Variants in IFT74 observed in about 807,000 individuals in gnomAD.
The protein encoded by IFT74 is intraflagellar transport protein 74 homolog.
Under a neutral mutation model 96.7 loss-of-function variants are expected in IFT74, and 92 were observed. The observed-to-expected ratio is 0.95, with a 90% CI of 0.80 to 1.13. The LOEUF (loss-of-function observed/expected upper bound fraction) is 1.13, where lower values mean the gene tolerates loss of function less well. IFT74 is among the 50% of genes most tolerant of loss of function. IFT74 has a pLI of 0.00. For synonymous variants in IFT74, 223 were observed against 213.2 expected (o/e 1.05, Z -0.40); for missense variants, 811 against 698.2 (o/e 1.16, Z -1.82).
chr9:27,055,597 CTTATG>C lies in IFT74; in HGVS notation c.1334-9_1334-5del, dbSNP rs1324056936. 2.6e-6 allele frequency: 4 copies of C among 1,552,040 alleles called. No homozygotes were observed. Among genetic ancestry groups the C allele is most frequent in the Non-Finnish European group, 3.5e-6 (4 of 1,154,842 alleles). On this transcript the variant is annotated splice_region_variant and splice_polypyrimidine_tract_variant and intron_variant, in intron 16 of 19. Transcript: ENST00000380062. ...TTTTGATTAATTATCACCTTAAATT[CTTATG>C]TTTCAGACATTCAACGTCTGCAGTT...
upstream of IFT74, among the ~76,000 whole-genome samples, chr9:26,952,200 T>G (rs975932614): frequency 1.3e-5 from 2 of 152,164 alleles, no homozygotes; most frequent in Admixed American, 6.5e-5. Context: ...ATTGCATAAT[T>G]CATTAAAAGC....
At chr9:27,025,224 C>T (rs1829802358) in intron 12 of IFT74, among the ~76,000 whole-genome samples, 1 of 151,914 alleles carries the variant, frequency 6.6e-6, no homozygotes, top group South Asian at 2.1e-4. Context: ...GTGGGCGGAA[C>T]ATGAGGTCAG....
intron 1 of IFT74, among the ~76,000 whole-genome samples, chr9:26,960,981 A>G (rs1826329207): frequency 6.6e-6 from 1 of 151,870 alleles, no homozygotes; most frequent in African/African-American, 2.4e-5. Context: ...AAAAGACTTT[A>G]GTAAAGATAG....
chr9:27,049,868 A>G (rs919624531), intron 16 of IFT74, among the ~76,000 whole-genome samples: 1 of 152,204 alleles, frequency 6.6e-6, no homozygotes, highest in Non-Finnish European at 1.5e-5. Context: ...ATGACAGTAT[A>G]TATTATATTT....
At chr9:26,978,412 G>T in intron 3 of IFT74, 149 bp downstream of exon 3, 1 of 710,448 alleles carries the variant, frequency 1.4e-6, no homozygotes. Flanking sequence ...TAGCATGTAA[G>T]AATTATTACA....
At chr9:27,001,379 C>G (rs902464600) in intron 8 of IFT74, among the ~76,000 whole-genome samples, 3 of 151,826 alleles carry the variant, frequency 2.0e-5, no homozygotes, top group African/African-American at 7.3e-5. Context: ...TTTTAAGGAA[C>G]CTTCATACTG....
intron 8 of IFT74, among the ~76,000 whole-genome samples, chr9:27,001,456 G>A (rs751218289): frequency 2.6e-5 from 4 of 152,012 alleles, no homozygotes; most frequent in South Asian, 2.1e-4. Flanking sequence ...TCTCCACATC[G>A]TCACCAGCAT....
At chr9:27,009,418 G>A (rs1477780793) in intron 9 of IFT74, among the ~76,000 whole-genome samples, 1 of 151,752 alleles carries the variant, frequency 6.6e-6, no homozygotes, top group East Asian at 1.9e-4. Flanking sequence ...TATTCATTTT[G>A]CATTTCATAA....
Position 27,063,382 on chromosome 9 carries a change from T to G in IFT74, c.*646T>G, listed in dbSNP as rs1820509530. ...AAGACTACATTTATAGTGGGCTGTT[T>G]TGGACTATGGCTACTGCTGTTCATT... is the stretch of plus-strand genomic sequence containing the variant. On this transcript the variant is annotated 3_prime_UTR_variant, in exon 20 of 20. Transcript: ENST00000380062. Among the ~76,000 whole-genome samples the G allele has an allele frequency of 6.6e-6, 1 of 152,160 alleles. No individual in the cohort carries two copies. Among genetic ancestry groups the G allele is most frequent in the Non-Finnish European group, 1.5e-5 (1 of 67,988 alleles).
intron 8 of IFT74, among the ~76,000 whole-genome samples, chr9:26,990,705 T>G (rs1827828969): frequency 6.6e-6 from 1 of 152,220 alleles, no homozygotes. Flanking sequence ...AACGTAATTG[T>G]GGCAGTGGGA....
intron 2 of IFT74, among the ~76,000 whole-genome samples, chr9:26,975,777 G>C (rs1827088738): frequency 6.6e-6 from 1 of 152,132 alleles, no homozygotes; most frequent in African/African-American, 2.4e-5. Flanking sequence ...ATTTCCATAG[G>C]CATTGTTAAG....
chr9:27,017,070 T>G lies in IFT74; in HGVS notation c.933+20T>G. 6.3e-7 allele frequency: 1 copy of G among 1,585,580 alleles called. No homozygotes were observed. Among genetic ancestry groups the G allele is most frequent in the Non-Finnish European group, 8.6e-7 (1 of 1,169,196 alleles). On this transcript the variant is annotated intron_variant, in intron 11 of 19. Transcript: ENST00000380062. Reference sequence around the variant, plus strand: ...AAGCAGGTGGGCAAAACAAACATACTTATTTTAAGATGTCTGGTTTTGGTA... The same window carrying G: ...AAGCAGGTGGGCAAAACAAACATACGTATTTTAAGATGTCTGGTTTTGGTA...
chr9:27,053,336 A>G (rs1161933687), intron 16 of IFT74, among the ~76,000 whole-genome samples: 2 of 152,000 alleles, frequency 1.3e-5, no homozygotes, highest in Non-Finnish European at 2.9e-5. Context: ...AAGAGTCTGT[A>G]ATCGACTTCT....
rs1413342087 is a variant in IFT74 at position 27,025,453 on chromosome 9, A to G, written c.975-3572A>G. Among the ~76,000 whole-genome samples the G allele has an allele frequency of 1.8e-4, 27 of 151,206 alleles. 1 individual carries two copies. Among genetic ancestry groups the G allele is most frequent in the African/African-American group, 6.0e-4 (25 of 41,368 alleles). On this transcript the variant is annotated intron_variant, in intron 12 of 19. Coordinates refer to ENST00000380062, the MANE Select transcript of IFT74 (RefSeq NM_025103.4). ...GTGAGACTCCATCTCCAAAAAAAAAAAAAAAAAAAAGAAAAGAAAAGAAAG... is the reference window on the plus strand; with the variant it reads ...GTGAGACTCCATCTCCAAAAAAAAAGAAAAAAAAAAGAAAAGAAAAGAAAG...
At chr9:27,002,386 A>G (rs2131585935) in intron 8 of IFT74, among the ~76,000 whole-genome samples, 1 of 152,366 alleles carries the variant, frequency 6.6e-6, no homozygotes, top group East Asian at 1.9e-4. Flanking sequence ...CCGAAAAGAG[A>G]GTCAGCCCTC....
rs1459260243 is a variant in IFT74 at position 27,003,208 on chromosome 9, T to TG, written c.588-5812_588-5811insG. Among the ~76,000 whole-genome samples the TG allele has an allele frequency of 3.9e-5, 6 of 152,092 alleles. No homozygotes were observed. In the South Asian group the frequency reaches 6.2e-4, roughly 16 times the overall value. Reference sequence around the variant, plus strand: ...TTTTGTGGAGTATTTAGGGTTTGTTTTTTTTTTAATTTTTTAAGTGTAAGA... The same window carrying TG: ...TTTTGTGGAGTATTTAGGGTTTGTTTGTTTTTTTAATTTTTTAAGTGTAAGA... On this transcript the variant is annotated intron_variant, in intron 8 of 19. Coordinates refer to ENST00000380062, the MANE Select transcript of IFT74 (RefSeq NM_025103.4).
Position 27,047,385 on chromosome 9 carries a change from G to C in IFT74, c.1206+14G>C. ...CACTGCAGTCGAGTGAGTACCATGT[G>C]CCTGTCTTGGTGTCCTCTTTATTTT... On this transcript the variant is annotated intron_variant, in intron 15 of 19. Transcript: ENST00000380062. 6.6e-7 allele frequency: 1 copy of C among 1,510,922 alleles called. No individual in the cohort carries two copies. The highest frequency in any genetic ancestry group is 1.2e-5 in the South Asian group (1 of 85,894). 93.6% of individuals were successfully genotyped at this position (1,510,922 alleles called of 1,614,324 possible).
intron 6 of IFT74, 107 bp downstream of exon 6, chr9:26,984,666 A>C: frequency 1.3e-6 from 1 of 799,934 alleles, no homozygotes; most frequent in Non-Finnish European, 2.0e-6. Flanking sequence ...TACTTTTCAA[A>C]AGAAGACAAA....
chr9:27,041,835 C>G (rs184036278), intron 13 of IFT74, among the ~76,000 whole-genome samples: 2 of 152,176 alleles, frequency 1.3e-5, no homozygotes, highest in African/African-American at 2.4e-5. Context: ...CACTAATGCT[C>G]TGACCACTCT....
Sources: gnomAD v4.1 joint callset for allele counts (sites outside exome capture counted in the v4.1 genomes callset) on GRCh38, gnomAD v4.1.1 for gene constraint, MANE v1.5 for transcripts, NCBI Gene and HGNC (gene_info 2026-07-23, HGNC 2026-07-21) for gene names.